RNF125: variants seen among roughly 807,000 people sequenced by gnomAD.
The protein encoded by RNF125 is ring finger protein 125.
Under a neutral mutation model 26.0 loss-of-function variants are expected in RNF125, and 21 were observed. The observed-to-expected ratio is 0.81, with a 90% CI of 0.57 to 1.16. The LOEUF (loss-of-function observed/expected upper bound fraction) is 1.16, where lower values mean the gene tolerates loss of function less well. RNF125 is among the 50% of genes most tolerant of loss of function. The pLI is 0.00. For synonymous variants in RNF125, 95 were observed against 109.2 expected (o/e 0.87, Z 0.81); for missense variants, 270 against 299.4 (o/e 0.90, Z 0.72).
intron 1 of RNF125, among the ~76,000 whole-genome samples, chr18:32,030,374 T>A (rs1018428627): frequency 9.2e-5 from 14 of 152,180 alleles, no homozygotes; most frequent in Non-Finnish European, 1.8e-4. Flanking sequence ...AAAATGAAAC[T>A]CTGTTTAGGA....
chr18:32,040,269 C>CTTTTTT (rs1185186501), intron 2 of RNF125, among the ~76,000 whole-genome samples: 64 of 104,474 alleles, frequency 6.1e-4, no homozygotes, highest in South Asian at 1.0e-3. Flanking sequence ...CAATTTCTTT[C>CTTTTTT]TTTTTTTTTT....
chr18:32,075,693 CA>C (rs759960735), downstream of RNF125, among the ~76,000 whole-genome samples: 317 of 92,144 alleles, frequency 3.4e-3, no homozygotes, highest in African/African-American at 6.5e-3. Flanking sequence ...AACTCCATCT[CA>C]AAAAAAAAAA....
chr18:32,065,839 T>C lies in RNF125; in HGVS notation c.505-63T>C, dbSNP rs1183740823. On this transcript the variant is annotated intron_variant, in intron 4 of 5. Transcript: ENST00000217740. ...AGCCACCGCGCCCAGCCGTTGTTTT[T>C]AATTCTAACACTAATAACGATTTTA... 9 of 1,234,660 alleles carry C rather than the reference T, an allele frequency of 7.3e-6. No individual in the cohort carries two copies. The African/African-American group carries it at 1.4e-4, about 19-fold the overall frequency. The allele number at this position is 1,234,660 out of a possible 1,614,324, so 76.5% of individuals were successfully genotyped here. A position where few individuals can be genotyped will look rare whatever the true frequency, so the allele number is the denominator to read the frequency against.
At chr18:32,053,192 G>A (rs922449630) in intron 4 of RNF125, among the ~76,000 whole-genome samples, 2 of 151,624 alleles carry the variant, frequency 1.3e-5, no homozygotes, top group African/African-American at 4.8e-5. Flanking sequence ...GAGAAACCCC[G>A]TTTCTACTAA....
At chr18:32,024,856 G>A (rs933036012) in intron 1 of RNF125, among the ~76,000 whole-genome samples, 6 of 152,132 alleles carry the variant, frequency 3.9e-5, no homozygotes, top group Admixed American at 2.0e-4. Flanking sequence ...CGAGGCAGGC[G>A]GATCACTTGA....
chr18:32,025,665 A>C (rs12965988), intron 1 of RNF125, among the ~76,000 whole-genome samples: 3 of 84,734 alleles, frequency 3.5e-5, no homozygotes, highest in Non-Finnish European at 6.0e-5. Flanking sequence ...ACTCTGTCTC[A>C]AAAAAAAAAA....
At chr18:32,079,233 AAGAG>A in the RNF125 span, among the ~76,000 whole-genome samples, 1 of 152,130 alleles carries the variant, frequency 6.6e-6, no homozygotes, top group African/African-American at 2.4e-5. Context: ...GAGGGAGAGA[AAGAG>A]AGAGAGAAGA....
chr18:32,089,515 T>C, the RNF125 span, among the ~76,000 whole-genome samples: 1 of 152,262 alleles, frequency 6.6e-6, no homozygotes, highest in Non-Finnish European at 1.5e-5. Flanking sequence ...ACATTTTATT[T>C]ACGCAGCTGA....
chr18:32,030,650 C>T (rs1912653756), intron 1 of RNF125, among the ~76,000 whole-genome samples: 1 of 152,194 alleles, frequency 6.6e-6, no homozygotes, highest in African/African-American at 2.4e-5. Flanking sequence ...CTAAAGTAAA[C>T]CAGAAACACT....
the RNF125 span, among the ~76,000 whole-genome samples, chr18:32,083,904 GA>G: frequency 3.6e-5 from 5 of 139,020 alleles, no homozygotes; most frequent in South Asian, 4.5e-4. Context: ...ACCCTGTCTC[GA>G]AAAAAAAAAT....
chr18:32,045,363 A>C (rs113623162), intron 3 of RNF125, among the ~76,000 whole-genome samples: 2,582 of 151,852 alleles, frequency 0.017, 76 homozygotes, highest in African/African-American at 0.059. Flanking sequence ...GTTCGAGACC[A>C]TCCTGGCCAA....
chr18:32,070,393 A>C lies in RNF125; in HGVS notation c.*2009A>C, dbSNP rs1346937903. On this transcript the variant is annotated 3_prime_UTR_variant, in exon 6 of 6. Coordinates refer to ENST00000217740, the MANE Select transcript of RNF125 (RefSeq NM_017831.4). The stretch of plus-strand genomic sequence containing the variant: ...TCACCATAATAGCCAGGCTGGTCTC[A>C]AACTCCTTACCTTGTGATCCGCCCA... 2 of 152,142 alleles carry C rather than the reference A, an allele frequency of 1.3e-5. No individual in the cohort carries two copies. Among genetic ancestry groups the C allele is most frequent in the African/African-American group, 4.8e-5 (2 of 41,416 alleles). 9.4% of individuals were successfully genotyped at this position (152,142 alleles called of 1,614,324 possible).
intron 4 of RNF125, 95 bp downstream of exon 4, chr18:32,045,827 A>C: frequency 2.7e-6 from 2 of 727,488 alleles, no homozygotes; most frequent in Non-Finnish European, 4.6e-6. Context: ...ATACCTTATA[A>C]AGGATAATTA....
intron 1 of RNF125, among the ~76,000 whole-genome samples, chr18:32,030,813 TAGAA>T (rs1181151019): frequency 6.6e-6 from 1 of 152,132 alleles, no homozygotes; most frequent in Admixed American, 6.6e-5. Flanking sequence ...GGTGGAAAGG[TAGAA>T]AGAAGTTGGC....
chr18:32,084,375 CAAAA>C, the RNF125 span, among the ~76,000 whole-genome samples: 1 of 151,252 alleles, frequency 6.6e-6, no homozygotes. Context: ...AACAAACAAA[CAAAA>C]AAACAAGAAC....
At chr18:32,039,890 G>A (rs1435513152) in intron 2 of RNF125, among the ~76,000 whole-genome samples, 2 of 148,772 alleles carry the variant, frequency 1.3e-5, no homozygotes, top group African/African-American at 5.0e-5. Flanking sequence ...AGAGATTCTC[G>A]TGCCTCAGCC....
At chr18:32,090,766 T>G in the RNF125 span, among the ~76,000 whole-genome samples, 1 of 152,218 alleles carries the variant, frequency 6.6e-6, no homozygotes, top group African/African-American at 2.4e-5. Context: ...AATGTCAACA[T>G]AGACAATAAA....
chr18:32,038,066 T>TTTTTTTA (rs869252001), intron 2 of RNF125, among the ~76,000 whole-genome samples: 1 of 145,628 alleles, frequency 6.9e-6, no homozygotes. Context: ...TTTTTTTTTT[T>TTTTTTTA]GAGACAGAGT....
intron 1 of RNF125, 47 bp downstream of exon 1, chr18:32,019,074 ATGTGGGGAAGCTGAGGGCATGG>A: frequency 6.3e-7 from 1 of 1,593,226 alleles, no homozygotes; most frequent in Non-Finnish European, 8.5e-7. Context: ...AAGGAGGGCG[ATGTGGGGAAGCTGAGGGCATGG>A]TGTGGGGAAG....
Sources: allele counts gnomAD v4.1 joint callset (sites outside exome capture counted in the v4.1 genomes callset), GRCh38; gene constraint gnomAD v4.1.1; transcripts MANE v1.5; gene names NCBI Gene and HGNC (gene_info 2026-07-23, HGNC 2026-07-21).